Variants in E2F6 observed in about 807,000 individuals in gnomAD.
E2F6 encodes E2F transcription factor 6, also known as transcription factor E2F6.
In E2F6, 19 loss-of-function variants were observed where a neutral mutation model predicts 31.5. The ratio of observed to expected loss-of-function variants is 0.60; its 90% CI spans 0.42 to 0.89. The LOEUF (loss-of-function observed/expected upper bound fraction) is 0.89, where lower values mean the gene tolerates loss of function less well. Among genes scored for constraint, E2F6 ranks in the 40% least tolerant of loss-of-function variants. E2F6 has a pLI of 0.00. For synonymous variants in E2F6, 121 were observed against 127.7 expected (o/e 0.95, Z 0.36); for missense variants, 269 against 341.6 (o/e 0.79, Z 1.67).
intron 1 of E2F6, among the ~76,000 whole-genome samples, chr2:11,463,842 T>C (rs1271816591): frequency 2.0e-5 from 3 of 149,020 alleles, no homozygotes; most frequent in African/African-American, 4.9e-5. Flanking sequence ...TCTCAGCTAC[T>C]TGGGAGTTGG....
At position 11,450,028 on chromosome 2, in the gene E2F6, A is replaced by T. The variant is rs1670963397; in HGVS notation, c.635T>A (p.Val212Asp). 1 of 1,612,550 alleles carries T rather than the reference A, an allele frequency of 6.2e-7. No homozygotes were observed. The highest frequency in any genetic ancestry group is 8.5e-7 in the Non-Finnish European group (1 of 1,178,984). The change falls in exon 5 of 7, where the codon GTT becomes GAT. Residue 212 changes from valine (V) to aspartate (D), a missense_variant. Physicochemically the swap from Val to Asp is radical, Grantham distance 152 (BLOSUM62 -3). Transcript: ENST00000381525. ...GTTACCTACTTCTCTGGGAGCTGGA[A>T]CATCCAATCTGGTTTCTGCTGGAGC... ...VKAPAETRLD[V>D]PAPREDSITV...
chr2:11,444,974 C>T lies in E2F6; in HGVS notation c.*1503G>A, dbSNP rs1359529995. 4 of 152,186 alleles carry T rather than the reference C, an allele frequency of 2.6e-5. No homozygotes were observed. The highest frequency in any genetic ancestry group is 1.9e-4 in the East Asian group (1 of 5,198). 9.4% of individuals were successfully genotyped at this position (152,186 alleles called of 1,614,324 possible). On this transcript the variant is annotated 3_prime_UTR_variant, in exon 7 of 7. Coordinates refer to ENST00000381525, the MANE Select transcript of E2F6 (RefSeq NM_198256.4). ...AGGGAGGAAAAGCATTGAGGCTAAC[C>T]GCTGGGGGAGGAGCACACTTCATCC...
Position 11,465,873 on chromosome 2 carries a change from G to A in E2F6, c.7C>T (p.Gln3Ter), listed in dbSNP as rs1226089659. ...GGTAACTTCCTCGCCGGCCGCTGCT[G>A]ACTCATGCTGCCCGGCCGGGCGTCC... is the stretch of plus-strand genomic sequence containing the variant. MS[Q>*]QRPARKLPSL... is the part of the protein sequence containing the mutation. Residue 3 changes from glutamine to a stop codon, truncating the protein, a stop_gained, in exon 1 of 7, where the codon CAG (glutamine) becomes TAG (stop). Coordinates refer to ENST00000381525, the MANE Select transcript of E2F6 (RefSeq NM_198256.4). LOFTEE classifies it high-confidence loss of function. The A allele has an allele frequency of 1.9e-6, 3 of 1,557,626 alleles. No homozygotes were observed. Among genetic ancestry groups the A allele is most frequent in the South Asian group, 1.2e-5 (1 of 84,594 alleles).
intron 2 of E2F6, among the ~76,000 whole-genome samples, chr2:11,456,391 G>A (rs923519680): frequency 6.6e-6 from 1 of 152,174 alleles, no homozygotes; most frequent in South Asian, 2.1e-4. Flanking sequence ...TACAGAGGAA[G>A]TTAGACCCTG....
chr2:11,461,641 C>T (rs1389889107), intron 1 of E2F6, among the ~76,000 whole-genome samples: 1 of 152,244 alleles, frequency 6.6e-6, no homozygotes, highest in Non-Finnish European at 1.5e-5. Context: ...GCATGAGCCA[C>T]CATGACTGGC....
intron 1 of E2F6, among the ~76,000 whole-genome samples, chr2:11,462,353 AATTTATAG>A (rs1361052779): frequency 1.3e-5 from 2 of 152,222 alleles, no homozygotes; most frequent in Non-Finnish European, 2.9e-5. Context: ...GATAACATTT[AATTTATAG>A]ATCGGGCATA....
At position 11,449,905 on chromosome 2, in the gene E2F6, A is replaced by G. The variant is rs567095530; in HGVS notation, c.651+107T>C. On this transcript the variant is annotated intron_variant, in intron 5 of 6. Transcript: ENST00000381525. ...GTGCCTTGAGCAGTATCGGATGTACAGTGCACGTGCACACAACGGCTCTTA... is the reference window on the plus strand; with the variant it reads ...GTGCCTTGAGCAGTATCGGATGTACGGTGCACGTGCACACAACGGCTCTTA... The G allele has an allele frequency of 4.7e-5, 35 of 747,388 alleles. No individual in the cohort carries two copies. In the Middle Eastern group the frequency reaches 1.2e-3, roughly 26 times the overall value. 46.3% of individuals were successfully genotyped at this position (747,388 alleles called of 1,614,324 possible). A position where few individuals can be genotyped will look rare whatever the true frequency, so the allele number is the denominator to read the frequency against.
intron 1 of E2F6, chr2:11,458,491 C>T (rs1282466942): frequency 6.4e-6 from 5 of 779,842 alleles, no homozygotes; most frequent in Admixed American, 4.3e-5. Flanking sequence ...GCTGGGAGGG[C>T]ATGCTGGCAC....
rs2148328925 is a variant in E2F6 at position 11,445,346 on chromosome 2, G to C, written c.*1131C>G. On this transcript the variant is annotated 3_prime_UTR_variant, in exon 7 of 7. Transcript: ENST00000381525. ...TTCTTAAGGGCCAGGCATGGTGTGA[G>C]GCACTGGGATGTAACAGTGATTATG... The C allele has an allele frequency of 6.5e-6, 1 of 152,740 alleles. No individual in the cohort carries two copies. The highest frequency in any genetic ancestry group is 3.4e-3 in the Middle Eastern group (1 of 294). The allele number at this position is 152,740 out of a possible 1,614,324, so 9.5% of individuals were successfully genotyped here. A position where few individuals can be genotyped will look rare whatever the true frequency, so the allele number is the denominator to read the frequency against.
In E2F6 at chr2:11,465,831, G is replaced by A. The variant is rs780952480; in HGVS notation, c.49C>T (p.Pro17Ser). ...ARKLPSLLLD[P>S]TEETVRRRCR... is the part of the protein sequence containing the mutation. ...CGACGGCGAACCGTCTCCTCCGTCG[G>A]GTCCAGGAGGAGACTGGGTAACTTC... The change falls in exon 1 of 7, where the codon CCG (proline) becomes TCG (serine). Residue 17 changes from proline (P) to serine (S), a missense_variant. Transcript: ENST00000381525. The A allele has an allele frequency of 3.8e-6, 6 of 1,593,522 alleles. No individual in the cohort carries two copies. In the Admixed American group the frequency reaches 5.3e-5, roughly 14 times the overall value.
intron 1 of E2F6, among the ~76,000 whole-genome samples, chr2:11,464,511 C>T (rs1282681835): frequency 8.6e-6 from 1 of 116,794 alleles, no homozygotes; most frequent in African/African-American, 3.8e-5. Context: ...AGCAAGACTT[C>T]GTCACCAAAA....
rs991132750 is a variant in E2F6 at position 11,445,958 on chromosome 2, T to C, written c.*519A>G. 6.5e-6 allele frequency: 1 copy of C among 152,880 alleles called. No homozygotes were observed. Among genetic ancestry groups the C allele is most frequent in the African/African-American group, 2.4e-5 (1 of 41,432 alleles). The allele number at this position is 152,880 out of a possible 1,614,324, so 9.5% of individuals were successfully genotyped here. A position where few individuals can be genotyped will look rare whatever the true frequency, so the allele number is the denominator to read the frequency against. ...TCTGTCACTTTCCATATATACATTA[T>C]TTTGGCTGTACAAGGGTGAAAAGTG... On this transcript the variant is annotated 3_prime_UTR_variant, in exon 7 of 7. Coordinates refer to ENST00000381525, the MANE Select transcript of E2F6 (RefSeq NM_198256.4).
chr2:11,446,364 G>A lies in E2F6; in HGVS notation c.*113C>T, dbSNP rs1246589681. The A allele has an allele frequency of 4.0e-6, 3 of 751,062 alleles. No homozygotes were observed. The highest frequency in any genetic ancestry group is 6.8e-6 in the Non-Finnish European group (3 of 440,406). 46.5% of individuals were successfully genotyped at this position (751,062 alleles called of 1,614,324 possible). On this transcript the variant is annotated 3_prime_UTR_variant, in exon 7 of 7. Coordinates refer to ENST00000381525, the MANE Select transcript of E2F6 (RefSeq NM_198256.4). ...CACTACTGGCCATGATGCCGCTACTGAGAACGAGAGCACTTCATGGATAAT... is the reference window on the plus strand; with the variant it reads ...CACTACTGGCCATGATGCCGCTACTAAGAACGAGAGCACTTCATGGATAAT...
In E2F6 at chr2:11,450,140, A is replaced by T; in HGVS notation, c.537-14T>A. ...ACATATGCTAGTGTAAAACTCAGTCAAGGATCTCTACACAGAATGCTGTTT... is the reference window on the plus strand; with the variant it reads ...ACATATGCTAGTGTAAAACTCAGTCTAGGATCTCTACACAGAATGCTGTTT... On this transcript the variant is annotated splice_polypyrimidine_tract_variant and intron_variant, in intron 4 of 6. Transcript: ENST00000381525. 6.4e-7 allele frequency: 1 copy of T among 1,562,088 alleles called. No individual in the cohort carries two copies. Among genetic ancestry groups the T allele is most frequent in the Non-Finnish European group, 8.8e-7 (1 of 1,134,438 alleles).
intron 1 of E2F6, chr2:11,458,150 G>T: frequency 1.2e-6 from 1 of 841,986 alleles, no homozygotes; most frequent in Non-Finnish European, 2.0e-6. Context: ...CTCCAGACAG[G>T]CTGTCATCAG....
At chr2:11,463,694 G>A (rs1308288627) in intron 1 of E2F6, among the ~76,000 whole-genome samples, 1 of 152,194 alleles carries the variant, frequency 6.6e-6, no homozygotes, top group African/African-American at 2.4e-5. Flanking sequence ...GCTCACGCCT[G>A]TAATCCCAGC....
chr2:11,457,382 G>A, intron 1 of E2F6, 149 bp from the exon 2 acceptor site: 1 of 571,252 alleles, frequency 1.8e-6, no homozygotes. Flanking sequence ...CCAGCACTTT[G>A]GGAGGCCGAG....
chr2:11,447,947 G>T (rs764631711), intron 5 of E2F6, among the ~76,000 whole-genome samples, 173 bp from the exon 6 acceptor site: 2 of 152,156 alleles, frequency 1.3e-5, no homozygotes, highest in Non-Finnish European at 2.9e-5. Context: ...CTGCAGTAAT[G>T]GCTTCAGAGC....
In E2F6 at chr2:11,465,935, C is replaced by A. The variant is rs1238554792; in HGVS notation, c.-56G>T. 3.5e-6 allele frequency: 5 copies of A among 1,434,350 alleles called. No individual in the cohort carries two copies. Among genetic ancestry groups the A allele is most frequent in the Non-Finnish European group, 3.7e-6 (4 of 1,074,670 alleles). 88.9% of individuals were successfully genotyped at this position (1,434,350 alleles called of 1,614,324 possible). A position where few individuals can be genotyped will look rare whatever the true frequency, so the allele number is the denominator to read the frequency against. On this transcript the variant is annotated 5_prime_UTR_variant, in exon 1 of 7. Transcript: ENST00000381525. ...CACCCCACGAGCTCTCCCGCCCTCT[C>A]GCGCTCAGCTCGAGCACCGCCCCCC...
Sources: gnomAD v4.1 joint callset for allele counts (sites outside exome capture counted in the v4.1 genomes callset) on GRCh38, gnomAD v4.1.1 for gene constraint, MANE v1.5 for transcripts, NCBI Gene and HGNC (gene_info 2026-07-23, HGNC 2026-07-21) for gene names.